Variants in AGBL3 observed in about 807,000 individuals in gnomAD.
The protein encoded by AGBL3 is cytosolic carboxypeptidase 3.
AGBL3 carries 68 observed loss-of-function variants against 94.5 expected under a neutral mutation model. The ratio of observed to expected loss-of-function variants is 0.72; its 90% CI spans 0.59 to 0.88. The LOEUF (loss-of-function observed/expected upper bound fraction) is 0.88, where lower values mean the gene tolerates loss of function less well. Ranked by LOEUF, AGBL3 falls within the 40% of genes least tolerant of loss-of-function variation. AGBL3 has a pLI of 0.00. For synonymous variants in AGBL3, 354 were observed against 370.7 expected (o/e 0.95, Z 0.52); for missense variants, 934 against 1,103.8 (o/e 0.85, Z 2.18).
rs771354848 is a variant in AGBL3, at chr7:135,115,195, G to A, written c.2111-185G>A. Among the ~76,000 whole-genome samples, 9 of 151,868 alleles carry A rather than the reference G, an allele frequency of 5.9e-5. No homozygotes were observed. In the East Asian group the frequency reaches 1.2e-3, roughly 20 times the overall value. On this transcript the variant is annotated intron_variant, in intron 15 of 16. Coordinates refer to ENST00000436302, the MANE Select transcript of AGBL3 (RefSeq NM_178563.4). ...CCCCTCCGCAGCTTTACTTTATCCCGTAAACTTTATCATTATCTAACATAA... is the reference window on the plus strand; with the variant it reads ...CCCCTCCGCAGCTTTACTTTATCCCATAAACTTTATCATTATCTAACATAA...
intron 4 of AGBL3, among the ~76,000 whole-genome samples, chr7:134,994,011 A>G (rs998465917): frequency 3.3e-5 from 5 of 152,230 alleles, no homozygotes; most frequent in Non-Finnish European, 7.3e-5. Context: ...CAGTAGCCAC[A>G]TGGGCTTAAA....
At position 135,034,408 on chromosome 7, in the gene AGBL3, G is replaced by T; in HGVS notation, c.817G>T (p.Asp273Tyr). 1 of 1,551,706 alleles carries T rather than the reference G, an allele frequency of 6.4e-7. No individual in the cohort carries two copies. Among genetic ancestry groups the T allele is most frequent in the Non-Finnish European group, 8.7e-7 (1 of 1,147,002 alleles). Residue 273 changes from aspartate (D) to tyrosine (Y), a missense_variant, in exon 7 of 17, where the codon GAT (aspartate) becomes TAT (tyrosine). Asp to Tyr is a radical substitution (Grantham distance 160). Transcript: ENST00000436302. Reference sequence around the variant, plus strand: ...GTATTATAGGAACAACCCAGGCCAAGATGGGCGCCATTATTTCTCTCTTAC... The same window carrying T: ...GTATTATAGGAACAACCCAGGCCAATATGGGCGCCATTATTTCTCTCTTAC... ...IKYYRNNPGQ[D>Y]GRHYFSLTWT...
In AGBL3 at chr7:135,135,409, C is replaced by A. The variant is rs1273237875; in HGVS notation, c.*148C>A. 1 of 526,178 alleles carries A rather than the reference C, an allele frequency of 1.9e-6. No individual in the cohort carries two copies. Among genetic ancestry groups the A allele is most frequent in the Non-Finnish European group, 3.0e-6 (1 of 331,734 alleles). The allele number at this position is 526,178 out of a possible 1,614,324, so 32.6% of individuals were successfully genotyped here. On this transcript the variant is annotated 3_prime_UTR_variant, in exon 17 of 17. Transcript: ENST00000436302. ...CATAAACTAAAAATTTTAGATATCC[C>A]ATCTTCTGTAGTGGGAACATCTTTC...
chr7:135,058,189 G>C (rs1393471307), intron 11 of AGBL3, among the ~76,000 whole-genome samples: 1 of 152,094 alleles, frequency 6.6e-6, no homozygotes, highest in African/African-American at 2.4e-5. Flanking sequence ...GTTATGCAGG[G>C]AATGGGGGCA....
chr7:135,099,719 C>A (rs1449008911), intron 15 of AGBL3, among the ~76,000 whole-genome samples: 2 of 152,044 alleles, frequency 1.3e-5, no homozygotes, highest in African/African-American at 4.8e-5. Context: ...TCATATTCTA[C>A]ATAGTATCTG....
chr7:135,055,358 C>T (rs1373474586), intron 11 of AGBL3, among the ~76,000 whole-genome samples: 8 of 152,256 alleles, frequency 5.3e-5, no homozygotes, highest in Non-Finnish European at 1.2e-4. Flanking sequence ...ATCCTGTCCT[C>T]AAAGCAGGAA....
intron 16 of AGBL3, among the ~76,000 whole-genome samples, chr7:135,133,226 C>G (rs1829042089): frequency 6.6e-6 from 1 of 152,054 alleles, no homozygotes; most frequent in African/African-American, 2.4e-5. Context: ...AAAAAAAATA[C>G]TTGGTTTTAC....
At chr7:135,098,495 T>C (rs945069723) in intron 15 of AGBL3, among the ~76,000 whole-genome samples, 19 of 152,152 alleles carry the variant, frequency 1.2e-4, no homozygotes, top group African/African-American at 4.6e-4. Context: ...CCATCCTCAG[T>C]TGGTTAAATC....
intron 15 of AGBL3, among the ~76,000 whole-genome samples, chr7:135,095,772 A>G (rs970153976): frequency 9.9e-5 from 15 of 152,188 alleles, no homozygotes; most frequent in Non-Finnish European, 1.5e-5. Context: ...GCTGCTCACA[A>G]TAATGGATCA....
intron 16 of AGBL3, 72 bp from the exon 17 acceptor site, chr7:135,134,769 A>C: frequency 7.6e-7 from 1 of 1,317,246 alleles, no homozygotes; most frequent in Non-Finnish European, 1.0e-6. Context: ...TATTTATACT[A>C]TGACAACATA....
At chr7:135,006,368 A>G (rs1474812283) in intron 4 of AGBL3, among the ~76,000 whole-genome samples, 1 of 151,956 alleles carries the variant, frequency 6.6e-6, no homozygotes, top group Non-Finnish European at 1.5e-5. Context: ...CTGCCCTGAT[A>G]AATTCAGGTT....
At chr7:135,085,448 T>C (rs560084495) in intron 15 of AGBL3, among the ~76,000 whole-genome samples, 1 of 152,176 alleles carries the variant, frequency 6.6e-6, no homozygotes, top group South Asian at 2.1e-4. Flanking sequence ...AAGCATTTCC[T>C]TTGTGTTTTC....
In AGBL3 at chr7:135,034,604, A is replaced by G; in HGVS notation, c.1013A>G (p.Tyr338Cys). 1 of 1,551,760 alleles carries G rather than the reference A, an allele frequency of 6.4e-7. No homozygotes were observed. Among genetic ancestry groups the G allele is most frequent in the Non-Finnish European group, 8.7e-7 (1 of 1,146,982 alleles). The change falls in exon 7 of 17, where the codon TAT becomes TGT. Residue 338 changes from tyrosine (Y) to cysteine (C), a missense_variant. Transcript: ENST00000436302. ...LCHTLARNMVYILTITTPLKN... is the reference protein window; with the variant it reads ...LCHTLARNMVCILTITTPLKN... ...CACACGCTTGCTAGGAACATGGTGT[A>G]TATTTTAACAATCACTACCCCCTTG... is the stretch of plus-strand genomic sequence containing the variant.
chr7:135,071,983 G>C (rs1054545155), intron 12 of AGBL3, among the ~76,000 whole-genome samples: 3 of 152,128 alleles, frequency 2.0e-5, no homozygotes, highest in Admixed American at 6.6e-5. Context: ...GCAACCTATA[G>C]AATGGGAGAA....
In AGBL3 at chr7:135,059,235, G is replaced by A. The variant is rs148387846; in HGVS notation, c.1908G>A (p.Gln636=). Reference sequence around the variant, plus strand: ...CTTACCTTCTCAAGTTAACTTCTCAGGTATGACTGAACATTTTTGCTTATA... The same window carrying A: ...CTTACCTTCTCAAGTTAACTTCTCAAGTATGACTGAACATTTTTGCTTATA... ...SLTYLLKLTS[Q]KKHLKTKKER... is the part of the protein sequence containing the mutation. The change falls in exon 12 of 17, where the codon CAG becomes CAA. Residue 636 remains glutamine, a splice_region_variant and synonymous_variant. Coordinates refer to ENST00000436302, the MANE Select transcript of AGBL3 (RefSeq NM_178563.4). 4.5e-5 allele frequency: 69 copies of A among 1,549,842 alleles called. No individual in the cohort carries two copies. The African/African-American group carries it at 8.1e-4, about 18-fold the overall frequency.
chr7:135,130,538 A>G (rs1224516154), intron 16 of AGBL3, among the ~76,000 whole-genome samples: 6 of 132,412 alleles, frequency 4.5e-5, no homozygotes, highest in South Asian at 2.9e-4. Flanking sequence ...GACAGTCTTA[A>G]TATTAATTCC....
In AGBL3 at chr7:135,032,087, C is replaced by T. The variant is rs374579694; in HGVS notation, c.419-757C>T. ...GCCACCTCCCTAGGCTGTAGTCCAG[C>T]AAGTACCCCTATGCAGCAAGCCAGG... On this transcript the variant is annotated intron_variant, in intron 5 of 16. Transcript: ENST00000436302. 1.1e-4 allele frequency among the ~76,000 whole-genome samples: 17 copies of T among 152,308 alleles called. No individual in the cohort carries two copies. In the South Asian group the frequency reaches 3.5e-3, roughly 32 times the overall value.
chr7:135,006,296 C>T (rs1325257589), intron 4 of AGBL3, among the ~76,000 whole-genome samples: 2 of 152,006 alleles, frequency 1.3e-5, no homozygotes, highest in East Asian at 3.9e-4. Context: ...AATTATATTG[C>T]ATGGCTACTC....
intron 11 of AGBL3, among the ~76,000 whole-genome samples, chr7:135,050,345 A>G (rs1293878237): frequency 2.0e-5 from 3 of 151,988 alleles, no homozygotes; most frequent in Non-Finnish European, 4.4e-5. Flanking sequence ...GCTTGAGAAG[A>G]CCATGTAGCC....
Sources: allele counts gnomAD v4.1 joint callset (sites outside exome capture counted in the v4.1 genomes callset), GRCh38; gene constraint gnomAD v4.1.1; transcripts MANE v1.5; gene names NCBI Gene and HGNC (gene_info 2026-07-23, HGNC 2026-07-21).